HHAT: variants seen among roughly 807,000 people sequenced by gnomAD.
HHAT encodes hedgehog acyltransferase.
Under a neutral mutation model 70.8 loss-of-function variants are expected in HHAT, and 47 were observed. The observed-to-expected ratio is 0.66, with a 90% CI of 0.53 to 0.85. The LOEUF (loss-of-function observed/expected upper bound fraction) is 0.85, where lower values mean the gene tolerates loss of function less well. Among genes scored for constraint, HHAT ranks in the 40% least tolerant of loss-of-function variants. HHAT has a pLI of 0.00. For missense variants in HHAT, 609 were observed against 604.8 expected (o/e 1.01, Z -0.07); for synonymous variants, 228 against 247.6 (o/e 0.92, Z 0.74).
Position 210,400,665 on chromosome 1 carries a change from A to G in HHAT, c.468+3A>G, listed in dbSNP as rs1416360540. The G allele has an allele frequency of 1.2e-6, 2 of 1,610,728 alleles. No homozygotes were observed. The highest frequency in any genetic ancestry group is 1.7e-6 in the Non-Finnish European group (2 of 1,178,550). On this transcript the variant is annotated splice_donor_region_variant and intron_variant, in intron 5 of 11. Coordinates refer to ENST00000261458, the MANE Select transcript of HHAT (RefSeq NM_018194.6). ...TGCAGGGTGTGGAAGAAGTTAAGGT[A>G]AGTGTTTTCCTGTTACCATTGGGAA...
chr1:210,505,015 C>T (rs998898898), intron 8 of HHAT, among the ~76,000 whole-genome samples: 1 of 151,100 alleles, frequency 6.6e-6, no homozygotes, highest in Non-Finnish European at 1.5e-5. Flanking sequence ...TGTCCTGCCT[C>T]AGTCTCCCAA....
At chr1:210,483,966 C>T (rs755114908) in intron 8 of HHAT, among the ~76,000 whole-genome samples, 1 of 152,160 alleles carries the variant, frequency 6.6e-6, no homozygotes, top group Non-Finnish European at 1.5e-5. Context: ...AGAAGCAGAG[C>T]CCAGAGGCAA....
intron 11 of HHAT, among the ~76,000 whole-genome samples, chr1:210,671,640 G>T (rs1680104433): frequency 6.6e-6 from 1 of 152,226 alleles, no homozygotes; most frequent in Non-Finnish European, 1.5e-5. Flanking sequence ...CAGTGATGCT[G>T]CCATAAGCCA....
chr1:210,406,157 A>G (rs1487661916), intron 6 of HHAT, among the ~76,000 whole-genome samples: 2 of 151,962 alleles, frequency 1.3e-5, no homozygotes, highest in Non-Finnish European at 2.9e-5. Flanking sequence ...CAATCTCCTT[A>G]CCTTTGTGAA....
intron 11 of HHAT, among the ~76,000 whole-genome samples, chr1:210,628,799 G>C (rs552002190): frequency 6.6e-6 from 1 of 152,276 alleles, no homozygotes; most frequent in South Asian, 2.1e-4. Flanking sequence ...AGCTGAACTG[G>C]AGTATTGCAC....
intron 9 of HHAT, among the ~76,000 whole-genome samples, chr1:210,526,682 C>T (rs563625531): frequency 6.6e-6 from 1 of 151,974 alleles, no homozygotes; most frequent in South Asian, 2.1e-4. Flanking sequence ...AGAATTATAC[C>T]AGATAAACTC....
intron 10 of HHAT, among the ~76,000 whole-genome samples, chr1:210,615,663 C>A (rs1573751992): frequency 6.6e-6 from 1 of 152,238 alleles, no homozygotes; most frequent in South Asian, 2.1e-4. Context: ...ACAGTCAGGA[C>A]CCTCAGCTGC....
intron 11 of HHAT, among the ~76,000 whole-genome samples, chr1:210,625,937 G>T (rs1312088336): frequency 2.0e-5 from 3 of 152,232 alleles, no homozygotes; most frequent in African/African-American, 7.2e-5. Context: ...CAGGGCAGGG[G>T]TGTGTAGGGA....
At chr1:210,343,882 G>T (rs2086258678) in intron 1 of HHAT, among the ~76,000 whole-genome samples, 1 of 152,206 alleles carries the variant, frequency 6.6e-6, no homozygotes, top group South Asian at 2.1e-4. Context: ...GGCTCCTGAT[G>T]AGTGAAATTC....
chr1:210,452,162 T>C (rs1404272948), intron 7 of HHAT, among the ~76,000 whole-genome samples: 1 of 152,234 alleles, frequency 6.6e-6, no homozygotes, highest in African/African-American at 2.4e-5. Context: ...GATAAGCTAA[T>C]TCATTATTCT....
At chr1:210,469,517 A>G (rs188676097) in intron 8 of HHAT, among the ~76,000 whole-genome samples, 1 of 152,300 alleles carries the variant, frequency 6.6e-6, no homozygotes, top group African/African-American at 2.4e-5. Flanking sequence ...GATTGTTGTA[A>G]GGGTTAGGTA....
intron 11 of HHAT, among the ~76,000 whole-genome samples, chr1:210,640,191 A>T (rs1672711384): frequency 6.6e-6 from 1 of 152,164 alleles, no homozygotes; most frequent in Non-Finnish European, 1.5e-5. Context: ...GAGAGTTTCG[A>T]AGGTGGCAAG....
intron 9 of HHAT, among the ~76,000 whole-genome samples, chr1:210,579,290 TA>T (rs1658648875): frequency 6.6e-6 from 1 of 151,990 alleles, no homozygotes; most frequent in Non-Finnish European, 1.5e-5. Flanking sequence ...ACTTAAAGGT[TA>T]AAAAATAGTC....
intron 8 of HHAT, among the ~76,000 whole-genome samples, chr1:210,471,008 A>T (rs2148458972): frequency 6.6e-6 from 1 of 152,246 alleles, no homozygotes; most frequent in Admixed American, 6.5e-5. Context: ...ATCATGTCTT[A>T]TTCTTGTTTA....
chr1:210,547,558 G>A (rs1007904980), intron 9 of HHAT, among the ~76,000 whole-genome samples: 2 of 152,116 alleles, frequency 1.3e-5, no homozygotes, highest in African/African-American at 4.8e-5. Flanking sequence ...GCGTATTAAG[G>A]CAGGTCCCAA....
intron 10 of HHAT, among the ~76,000 whole-genome samples, chr1:210,607,155 A>G (rs568295484): frequency 6.6e-6 from 1 of 151,532 alleles, no homozygotes; most frequent in African/African-American, 2.4e-5. Flanking sequence ...TGGTGCCTCT[A>G]TGCCTGGGCC....
chr1:210,448,750 T>G (rs186837230), intron 7 of HHAT, among the ~76,000 whole-genome samples: 1 of 152,214 alleles, frequency 6.6e-6, no homozygotes, highest in Non-Finnish European at 1.5e-5. Context: ...TTTTCAGATT[T>G]TATGTAGAAC....
intron 4 of HHAT, among the ~76,000 whole-genome samples, chr1:210,395,877 C>A (rs752746954): frequency 1.2e-4 from 18 of 152,164 alleles, no homozygotes; most frequent in Non-Finnish European, 2.6e-4. Context: ...CTATTCTCTC[C>A]ATCCTTCCAT....
chr1:210,390,083 G>T (rs2091353911), intron 4 of HHAT, among the ~76,000 whole-genome samples: 1 of 152,056 alleles, frequency 6.6e-6, no homozygotes. Context: ...AAAAGAAATG[G>T]TTGAAGTAAG....
Sources: allele counts gnomAD v4.1 joint callset (sites outside exome capture counted in the v4.1 genomes callset), GRCh38; gene constraint gnomAD v4.1.1; transcripts MANE v1.5; gene names NCBI Gene and HGNC (gene_info 2026-07-23, HGNC 2026-07-21).